PTK2B: variants seen among roughly 807,000 people sequenced by gnomAD.
The protein encoded by PTK2B is protein-tyrosine kinase 2-beta.
In PTK2B, 71 loss-of-function variants were observed where a neutral mutation model predicts 142.9. That is an observed-to-expected ratio of 0.50 (90% CI 0.41 to 0.61). The LOEUF (loss-of-function observed/expected upper bound fraction) is 0.61, where lower values mean the gene tolerates loss of function less well. Among genes scored for constraint, PTK2B ranks in the 20% least tolerant of loss-of-function variants. The pLI, the probability that PTK2B is intolerant of heterozygous loss-of-function variation, is 0.00. For missense variants in PTK2B, 1,105 were observed against 1,320.4 expected (o/e 0.84, Z 2.53); for synonymous variants, 519 against 503.4 (o/e 1.03, Z -0.42).
chr8:27,320,741 A>G (rs893561703), upstream of PTK2B, among the ~76,000 whole-genome samples: 34 of 152,086 alleles, frequency 2.2e-4, no homozygotes, highest in African/African-American at 7.2e-4. Flanking sequence ...TCAGCTCTGA[A>G]CCATGTTCTT....
At chr8:27,397,013 C>T (rs1808091319) in intron 1 of PTK2B, among the ~76,000 whole-genome samples, 1 of 152,228 alleles carries the variant, frequency 6.6e-6, no homozygotes, top group African/African-American at 2.4e-5. Flanking sequence ...TGGGGGTGGA[C>T]AGCATCAGTT....
chr8:27,385,553 GA>G (rs1350721269), intron 1 of PTK2B, among the ~76,000 whole-genome samples: 1 of 152,172 alleles, frequency 6.6e-6, no homozygotes, highest in Admixed American at 6.5e-5. Context: ...TTGGTGGTAA[GA>G]AGCTCAGCCC....
intron 5 of PTK2B, among the ~76,000 whole-genome samples, chr8:27,427,714 GA>G (rs1262671747): frequency 6.6e-6 from 1 of 152,118 alleles, no homozygotes; most frequent in African/African-American, 2.4e-5. Context: ...CATGTTTTCT[GA>G]AGCTGCCGTG....
At chr8:27,406,967 A>G (rs1210512130) in intron 2 of PTK2B, among the ~76,000 whole-genome samples, 1 of 152,182 alleles carries the variant, frequency 6.6e-6, no homozygotes, top group Non-Finnish European at 1.5e-5. Context: ...AAAATCTGTG[A>G]AGGCCACCTG....
chr8:27,392,400 A>G (rs1479419369), intron 1 of PTK2B, among the ~76,000 whole-genome samples: 1 of 152,084 alleles, frequency 6.6e-6, no homozygotes, highest in East Asian at 1.9e-4. Flanking sequence ...AAAAAAGGCA[A>G]GTGAAAATAG....
chr8:27,437,522 A>C lies in PTK2B; in HGVS notation c.1527+26A>C, dbSNP rs758003916. 25 of 1,547,890 alleles carry C rather than the reference A, an allele frequency of 1.6e-5. No individual in the cohort carries two copies. The Admixed American group carries it at 2.0e-4, about 12-fold the overall frequency. On this transcript the variant is annotated intron_variant, in intron 17 of 30. Transcript: ENST00000346049. ...GTGAGCTGGAGGACCCTGCGATGAC[A>C]ACTGGGCTGCAGCATGGGGGGCATT...
At chr8:27,443,019 C>A in intron 22 of PTK2B, 36 bp downstream of exon 22, 2 of 1,538,354 alleles carry the variant, frequency 1.3e-6, no homozygotes, top group South Asian at 2.2e-5. Context: ...TCCTGTGAGT[C>A]AAAGCAAAGC....
chr8:27,417,292 A>C (rs959763060), intron 2 of PTK2B, among the ~76,000 whole-genome samples: 2 of 152,262 alleles, frequency 1.3e-5, no homozygotes, highest in Admixed American at 1.3e-4. Flanking sequence ...CAACAACATG[A>C]TGGATCTCAG....
chr8:27,442,054 G>C (rs141862413), intron 21 of PTK2B, among the ~76,000 whole-genome samples: 25 of 152,194 alleles, frequency 1.6e-4, no homozygotes, highest in African/African-American at 5.1e-4. Context: ...TTCCTCCTTA[G>C]AGTTCAGAAG....
At chr8:27,379,801 C>T (rs1351439791) in intron 1 of PTK2B, among the ~76,000 whole-genome samples, 4 of 152,156 alleles carry the variant, frequency 2.6e-5, no homozygotes, top group Admixed American at 6.5e-5. Flanking sequence ...ACTGCAATGG[C>T]GTGATCTTGG....
At chr8:27,405,810 C>T (rs113050498) in intron 2 of PTK2B, among the ~76,000 whole-genome samples, 2 of 152,240 alleles carry the variant, frequency 1.3e-5, no homozygotes, top group South Asian at 2.1e-4. Context: ...ACTTTTATCA[C>T]GTCAAAATGA....
At chr8:27,406,941 G>T (rs1442615479) in intron 2 of PTK2B, among the ~76,000 whole-genome samples, 1 of 152,100 alleles carries the variant, frequency 6.6e-6, no homozygotes, top group Non-Finnish European at 1.5e-5. Flanking sequence ...ATTTTAGTAG[G>T]GGGACTTTGG....
intron 1 of PTK2B, 107 bp downstream of exon 1, chr8:27,325,788 C>T (rs1803373225): frequency 6.6e-6 from 1 of 152,414 alleles, no homozygotes; most frequent in Middle Eastern, 3.4e-3. Context: ...GGCACCTGAG[C>T]TGGGAGTTCC....
chr8:27,454,302 G>T lies in PTK2B; in HGVS notation c.2733+11G>T. 1.9e-6 allele frequency: 3 copies of T among 1,610,354 alleles called. No individual in the cohort carries two copies. The highest frequency in any genetic ancestry group is 2.5e-6 in the Non-Finnish European group (3 of 1,178,504). ...GTGGTGGTGGTGAAGGTGAGAGCAG[G>T]GCTGGGTTGGGGAGGTGGAGGCGGC... is the stretch of plus-strand genomic sequence containing the variant. On this transcript the variant is annotated intron_variant, in intron 29 of 30. Coordinates refer to ENST00000346049, the MANE Select transcript of PTK2B (RefSeq NM_173176.3).
At chr8:27,327,027 C>CG (rs1413729546) in intron 1 of PTK2B, 1 of 152,252 alleles carries the variant, frequency 6.6e-6, no homozygotes, top group Non-Finnish European at 1.5e-5. Context: ...GCCAGGAGGG[C>CG]GTCCTGGCAG....
At chr8:27,339,414 T>C (rs920036559) in intron 1 of PTK2B, among the ~76,000 whole-genome samples, 1 of 152,216 alleles carries the variant, frequency 6.6e-6, no homozygotes, top group Non-Finnish European at 1.5e-5. Context: ...CACCACCTAC[T>C]GCACAGAGAC....
At chr8:27,454,778 AG>A (rs1812045879) in intron 30 of PTK2B, among the ~76,000 whole-genome samples, 167 bp downstream of exon 30, 1 of 152,174 alleles carries the variant, frequency 6.6e-6, no homozygotes, top group African/African-American at 2.4e-5. Context: ...GAGGGCTGAG[AG>A]GGCACCCAGG....
chr8:27,422,751 T>G (rs1157140932), intron 5 of PTK2B, among the ~76,000 whole-genome samples: 1 of 152,228 alleles, frequency 6.6e-6, no homozygotes, highest in Non-Finnish European at 1.5e-5. Context: ...GATGTCTATC[T>G]GTGTTGCCCA....
chr8:27,418,164 G>A (rs1355268518), intron 2 of PTK2B, among the ~76,000 whole-genome samples: 1 of 152,182 alleles, frequency 6.6e-6, no homozygotes, highest in Non-Finnish European at 1.5e-5. Context: ...TCACAGAGCA[G>A]TCGTCACCCT....
Sources: gnomAD v4.1 joint callset for allele counts (sites outside exome capture counted in the v4.1 genomes callset) on GRCh38, gnomAD v4.1.1 for gene constraint, MANE v1.5 for transcripts, NCBI Gene and HGNC (gene_info 2026-07-23, HGNC 2026-07-21) for gene names.